The following PAPSS2 variants were observed in gnomAD, a reference collection of about 807,000 sequenced individuals.
The protein encoded by PAPSS2 is bifunctional 3'-phosphoadenosine 5'-phosphosulfate synthase 2.
A neutral mutation model predicts 66.5 loss-of-function variants in PAPSS2; 61 were observed. That is an observed-to-expected ratio of 0.92 (90% CI 0.75 to 1.14). The LOEUF (loss-of-function observed/expected upper bound fraction) is 1.14, where lower values mean the gene tolerates loss of function less well. Among genes scored for constraint, PAPSS2 ranks in the 50% most tolerant of loss-of-function variants. The pLI, the probability that PAPSS2 is intolerant of heterozygous loss-of-function variation, is 0.00. For missense variants in PAPSS2, 708 were observed against 789.6 expected (o/e 0.90, Z 1.24); for synonymous variants, 289 against 287.5 (o/e 1.01, Z -0.05).
At chr10:87,722,493 C>T (rs944142138) in intron 8 of PAPSS2, among the ~76,000 whole-genome samples, 4 of 152,176 alleles carry the variant, frequency 2.6e-5, no homozygotes, top group African/African-American at 9.7e-5. Flanking sequence ...ATAAGGCTAA[C>T]ACAGAAGGCT....
At chr10:87,712,280 C>A (rs1853471631) in intron 2 of PAPSS2, among the ~76,000 whole-genome samples, 1 of 152,170 alleles carries the variant, frequency 6.6e-6, no homozygotes. Flanking sequence ...CCTGCGGGCT[C>A]TGTAAGACGG....
intron 11 of PAPSS2, 118 bp from the exon 12 acceptor site, chr10:87,744,884 T>C: frequency 1.2e-6 from 1 of 848,082 alleles, no homozygotes; most frequent in Non-Finnish European, 2.0e-6. Flanking sequence ...TTTCTTGCAA[T>C]TCTTAGTTGA....
intron 1 of PAPSS2, among the ~76,000 whole-genome samples, chr10:87,678,029 A>G (rs574529741): frequency 2.0e-5 from 3 of 152,218 alleles, no homozygotes; most frequent in Admixed American, 6.5e-5. Context: ...AGAAAAAAAC[A>G]TGAATCTTAT....
rs182226899 is a variant in PAPSS2, at chr10:87,680,066, C to G, written c.27+20058C>G. ...AAAGTCACTCTCATCACAGTCTCCA[C>G]TGTTGTAATGGTCCACTGTCTGCAA... is the stretch of plus-strand genomic sequence containing the variant. On this transcript the variant is annotated intron_variant, in intron 1 of 12. Coordinates refer to ENST00000456849, the MANE Select transcript of PAPSS2 (RefSeq NM_001015880.2). 3.8e-3 allele frequency among the ~76,000 whole-genome samples: 582 copies of G among 151,398 alleles called. 1 individual carries two copies. Among genetic ancestry groups the G allele is most frequent in the Middle Eastern group, 0.031 (9 of 288 alleles).
Position 87,680,820 on chromosome 10 carries a change from C to T in PAPSS2, c.27+20812C>T, listed in dbSNP as rs1046500953. ...CGGTAACCATCCTGACTAATCTTGCCGGTTTTTGAGCTTTTAGAAATGGAA... is the reference window on the plus strand; with the variant it reads ...CGGTAACCATCCTGACTAATCTTGCTGGTTTTTGAGCTTTTAGAAATGGAA... On this transcript the variant is annotated intron_variant, in intron 1 of 12. Transcript: ENST00000456849. Among the ~76,000 whole-genome samples the T allele has an allele frequency of 3.1e-4, 47 of 151,964 alleles. 1 individual carries two copies. Among genetic ancestry groups the T allele is most frequent in the East Asian group, 1.2e-3 (6 of 5,170 alleles).
intron 9 of PAPSS2, among the ~76,000 whole-genome samples, chr10:87,734,729 C>A (rs2131725515): frequency 8.3e-6 from 1 of 121,100 alleles, no homozygotes; most frequent in Admixed American, 9.0e-5. Flanking sequence ...CTCTTGTAGG[C>A]ATTAGTTTTT....
intron 1 of PAPSS2, among the ~76,000 whole-genome samples, chr10:87,707,382 G>T (rs1231187327): frequency 6.6e-6 from 1 of 152,182 alleles, no homozygotes; most frequent in East Asian, 1.9e-4. Context: ...ATCTGGTTTG[G>T]GGGGTGTCTA....
chr10:87,664,145 C>T (rs116110661), intron 1 of PAPSS2, among the ~76,000 whole-genome samples: 2,091 of 152,304 alleles, frequency 0.014, 55 homozygotes, highest in African/African-American at 0.047. Flanking sequence ...CAGTCTTGAA[C>T]TCCTGAGCTG....
Position 87,660,215 on chromosome 10 carries a change from C to T in PAPSS2, c.27+207C>T, listed in dbSNP as rs529339385. ...CTCGCCCCGCAGCCCCTCTCCACCC[C>T]GCGACTCTGGGAATCTGCGCTCCTT... On this transcript the variant is annotated intron_variant, in intron 1 of 12. Coordinates refer to ENST00000456849, the MANE Select transcript of PAPSS2 (RefSeq NM_001015880.2). The T allele has an allele frequency of 1.3e-5, 8 of 621,464 alleles. No individual in the cohort carries two copies. In the East Asian group the frequency reaches 2.2e-4, roughly 17 times the overall value. The allele number at this position is 621,464 out of a possible 1,614,324, so 38.5% of individuals were successfully genotyped here.
At chr10:87,711,226 T>C (rs1309219051) in intron 2 of PAPSS2, among the ~76,000 whole-genome samples, 1 of 152,156 alleles carries the variant, frequency 6.6e-6, no homozygotes, top group East Asian at 1.9e-4. Context: ...ATTTGTACAA[T>C]GGGAATAAAG....
At position 87,741,320 on chromosome 10, in the gene PAPSS2, A is replaced by T; in HGVS notation, c.1172A>T (p.Tyr391Phe). 1 of 1,613,834 alleles carries T rather than the reference A, an allele frequency of 6.2e-7. No homozygotes were observed. Among genetic ancestry groups the T allele is most frequent in the Non-Finnish European group, 8.5e-7 (1 of 1,179,696 alleles). Residue 391 changes from tyrosine (Y) to phenylalanine (F), a missense_variant, in exon 10 of 13, where the codon TAC (tyrosine) becomes TTC (phenylalanine). Coordinates refer to ENST00000456849, the MANE Select transcript of PAPSS2 (RefSeq NM_001015880.2). Reference protein sequence around the residue: ...KIRWNDGLDQYRLTPLELKQK... With the variant: ...KIRWNDGLDQFRLTPLELKQK... ...AGATGGAATGATGGGCTGGACCAAT[A>T]CCGTCTGACACCTCTGGAGCTCAAA...
chr10:87,698,716 G>C (rs1329143773), intron 1 of PAPSS2, among the ~76,000 whole-genome samples: 1 of 152,040 alleles, frequency 6.6e-6, no homozygotes, highest in African/African-American at 2.4e-5. Context: ...ATTTTCCTTA[G>C]TGTTAAATCC....
chr10:87,661,005 C>T, intron 1 of PAPSS2: 2 of 455,942 alleles, frequency 4.4e-6, no homozygotes, highest in South Asian at 3.1e-5. Flanking sequence ...GTACTGGTTA[C>T]TGAATGGGTT....
chr10:87,745,980 TCCA>T lies in PAPSS2; in HGVS notation c.*11_*13del, dbSNP rs1295561093. 1 of 1,613,716 alleles carries T rather than the reference TCCA, an allele frequency of 6.2e-7. No individual in the cohort carries two copies. Among genetic ancestry groups the T allele is most frequent in the Admixed American group, 1.7e-5 (1 of 60,010 alleles). Reference sequence around the variant, plus strand: ...CCTGGAGAAGAACTAAGCCTTTGGCTCCAGAGTTTCTTTCTGAAGTGCTCTTTG... The same window carrying T: ...CCTGGAGAAGAACTAAGCCTTTGGCTGAGTTTCTTTCTGAAGTGCTCTTTG... On this transcript the variant is annotated 3_prime_UTR_variant, in exon 13 of 13. Coordinates refer to ENST00000456849, the MANE Select transcript of PAPSS2 (RefSeq NM_001015880.2).
intron 4 of PAPSS2, 107 bp from the exon 5 acceptor site, chr10:87,714,626 TTCTGTTAAAGTG>T (rs1328311509): frequency 7.9e-6 from 6 of 763,024 alleles, no homozygotes; most frequent in Non-Finnish European, 1.2e-5. Flanking sequence ...GTTTGACCTT[TTCTGTTAAAGTG>T]TGAATTTTCA....
intron 1 of PAPSS2, among the ~76,000 whole-genome samples, chr10:87,664,152 G>A (rs1378311223): frequency 6.6e-6 from 1 of 152,114 alleles, no homozygotes. Flanking sequence ...GAACTCCTGA[G>A]CTGAAGAGAT....
intron 7 of PAPSS2, among the ~76,000 whole-genome samples, chr10:87,720,113 T>A (rs1589436879): frequency 6.6e-6 from 1 of 152,196 alleles, no homozygotes; most frequent in African/African-American, 2.4e-5. Flanking sequence ...CTTGAACTCC[T>A]GACCTCAAGT....
At chr10:87,680,615 TA>T (rs79565469) in intron 1 of PAPSS2, among the ~76,000 whole-genome samples, 10,626 of 152,164 alleles carry the variant, frequency 0.07, 668 homozygotes, top group East Asian at 0.33. Context: ...ATAAAGTCCA[TA>T]CAGAAAAATA....
chr10:87,661,090 G>A, intron 1 of PAPSS2: 1 of 451,934 alleles, frequency 2.2e-6, no homozygotes, highest in Non-Finnish European at 4.5e-6. Context: ...TATATAATGT[G>A]TATTACCGAA....
Sources: gnomAD v4.1 joint callset for allele counts (sites outside exome capture counted in the v4.1 genomes callset) on GRCh38, gnomAD v4.1.1 for gene constraint, MANE v1.5 for transcripts, NCBI Gene and HGNC (gene_info 2026-07-23, HGNC 2026-07-21) for gene names.